Variants in POMK observed in about 807,000 individuals in gnomAD.
POMK encodes protein O-mannose kinase.
In POMK, 19 loss-of-function variants were observed where a neutral mutation model predicts 23.0. The observed-to-expected ratio is 0.83, with a 90% CI of 0.58 to 1.21. The LOEUF (loss-of-function observed/expected upper bound fraction) is 1.21, where lower values mean the gene tolerates loss of function less well. Among genes scored for constraint, POMK ranks in the 50% most tolerant of loss-of-function variants. POMK has a pLI of 0.00. For missense variants in POMK, 410 were observed against 431.3 expected (o/e 0.95, Z 0.44); for synonymous variants, 173 against 171.6 (o/e 1.01, Z -0.06).
chr8:43,097,503 C>G (rs975147871), intron 1 of POMK, 21 bp from the exon 2 acceptor site: 9 of 151,338 alleles, frequency 5.9e-5, no homozygotes, highest in Admixed American at 2.0e-4. Context: ...TTTTTTTTCT[C>G]TGTGTGTGAA....
intron 3 of POMK, among the ~76,000 whole-genome samples, 188 bp downstream of exon 3, chr8:43,102,788 G>C (rs774700848): frequency 6.6e-6 from 1 of 152,112 alleles, no homozygotes; most frequent in African/African-American, 2.4e-5. Flanking sequence ...AGGCTTCTCC[G>C]CAGCCAGGCC....
chr8:43,111,009 G>A (rs929231512), intron 4 of POMK, among the ~76,000 whole-genome samples: 3 of 152,106 alleles, frequency 2.0e-5, no homozygotes, highest in African/African-American at 4.8e-5. Flanking sequence ...CGCAGAAGAC[G>A]GGTGATTTCT....
At chr8:43,117,481 C>G (rs1288436498) in intron 4 of POMK, among the ~76,000 whole-genome samples, 2 of 151,948 alleles carry the variant, frequency 1.3e-5, no homozygotes, top group Non-Finnish European at 2.9e-5. Context: ...TCTTGGTATC[C>G]AAGGGGTGGT....
At chr8:43,113,460 A>G (rs905923987) in intron 4 of POMK, among the ~76,000 whole-genome samples, 4 of 152,276 alleles carry the variant, frequency 2.6e-5, no homozygotes, top group Non-Finnish European at 4.4e-5. Context: ...TTTCAGCTCC[A>G]TCAGCTCCTT....
At chr8:43,106,436 C>T (rs1321830997) in intron 4 of POMK, among the ~76,000 whole-genome samples, 1 of 150,468 alleles carries the variant, frequency 6.6e-6, no homozygotes, top group Non-Finnish European at 1.5e-5. Flanking sequence ...TGTAGTTTGT[C>T]TCTTAACTCT....
chr8:43,122,285 T>C lies in POMK; in HGVS notation c.461T>C (p.Leu154Pro), dbSNP rs1346805707. Residue 154 changes from leucine to proline, a missense_variant, in exon 5 of 5, where the codon CTA becomes CCA. By Grantham distance (98) the Leu-to-Pro change is moderately conservative. Coordinates refer to ENST00000331373, the MANE Select transcript of POMK (RefSeq NM_032237.5). Reference sequence around the variant, plus strand: ...ACTATGCTTACTGAATATCACCCTCTAGGTTCCTTGAGTAACCTGGAAGAA... The same window carrying C: ...ACTATGCTTACTGAATATCACCCTCCAGGTTCCTTGAGTAACCTGGAAGAA... The part of the protein sequence containing the change: ...DNTMLTEYHP[L>P]GSLSNLEETL... The C allele has an allele frequency of 6.2e-7, 1 of 1,613,910 alleles. No individual in the cohort carries two copies. The highest frequency in any genetic ancestry group is 1.3e-5 in the African/African-American group (1 of 74,944).
Position 43,122,980 on chromosome 8 carries a change from T to C in POMK, c.*103T>C, listed in dbSNP as rs988142898. ...TTGCCTGAGTTTCGTGTTTTATTGT[T>C]TTTTTTATGGCTTAGCCATGTGGTT... On this transcript the variant is annotated 3_prime_UTR_variant, in exon 5 of 5. Transcript: ENST00000331373. The C allele has an allele frequency of 9.7e-7, 1 of 1,035,018 alleles. No homozygotes were observed. Among genetic ancestry groups the C allele is most frequent in the Non-Finnish European group, 1.4e-6 (1 of 713,320 alleles). 64.1% of individuals were successfully genotyped at this position (1,035,018 alleles called of 1,614,324 possible). A position where few individuals can be genotyped will look rare whatever the true frequency, so the allele number is the denominator to read the frequency against.
intron 2 of POMK, among the ~76,000 whole-genome samples, chr8:43,100,123 A>AG (rs1196438187): frequency 6.6e-6 from 1 of 152,142 alleles, no homozygotes; most frequent in African/African-American, 2.4e-5. Context: ...TGGGGATGGA[A>AG]GTGCCATGAG....
At chr8:43,099,504 G>A (rs1408145314) in intron 2 of POMK, among the ~76,000 whole-genome samples, 1 of 152,252 alleles carries the variant, frequency 6.6e-6, no homozygotes, top group African/African-American at 2.4e-5. Flanking sequence ...ATGAGGAGCT[G>A]CCAGAATGTA....
chr8:43,104,553 G>A (rs1811509717), intron 4 of POMK, among the ~76,000 whole-genome samples: 1 of 152,030 alleles, frequency 6.6e-6, no homozygotes, highest in African/African-American at 2.4e-5. Context: ...AACCCCAAGA[G>A]GCAACATGAA....
At chr8:43,102,940 G>A (rs1434468850) in intron 3 of POMK, among the ~76,000 whole-genome samples, 1 of 152,212 alleles carries the variant, frequency 6.6e-6, no homozygotes, top group African/African-American at 2.4e-5. Flanking sequence ...GCTCCTGTCC[G>A]TGGTCATAAC....
Position 43,122,615 on chromosome 8 carries a change from A to G in POMK, c.791A>G (p.Glu264Gly). 1 of 1,614,192 alleles carries G rather than the reference A, an allele frequency of 6.2e-7. No homozygotes were observed. Among genetic ancestry groups the G allele is most frequent in the Non-Finnish European group, 8.5e-7 (1 of 1,180,026 alleles). ...VAPEQLWPYG[E>G]DVPFHDDLMP... ...CCAGAGCAACTGTGGCCCTATGGAG[A>G]GGACGTGCCTTTCCACGATGATCTC... The change falls in exon 5 of 5, where the codon GAG (glutamate) becomes GGG (glycine). Residue 264 changes from glutamate to glycine, a missense_variant. Physicochemically the swap from Glu to Gly is moderately conservative, Grantham distance 98. Transcript: ENST00000331373.
At chr8:43,113,770 A>G (rs942702355) in intron 4 of POMK, among the ~76,000 whole-genome samples, 15 of 151,990 alleles carry the variant, frequency 9.9e-5, no homozygotes, top group Non-Finnish European at 1.9e-4. Flanking sequence ...GATGATGGTG[A>G]TGTACAGATG....
Position 43,094,180 on chromosome 8 carries a change from G to A in POMK, c.-210+617G>A, listed in dbSNP as rs376457812. 3.6e-3 allele frequency among the ~76,000 whole-genome samples: 548 copies of A among 152,284 alleles called. 2 individuals are homozygous for A. The highest frequency in any genetic ancestry group is 0.013 in the African/African-American group (522 of 41,548). ...GCGGTCTTGGCTCCTGGGATTACAG[G>A]CGTCCGCCACCACGCCCGGCTAATT... On this transcript the variant is annotated intron_variant, in intron 1 of 4. Transcript: ENST00000331373.
At chr8:43,095,483 A>G (rs944106513) in intron 1 of POMK, among the ~76,000 whole-genome samples, 1 of 152,192 alleles carries the variant, frequency 6.6e-6, no homozygotes, top group African/African-American at 2.4e-5. Context: ...GAAATGCATT[A>G]AAGGTTTTCT....
At chr8:43,109,801 A>G (rs1586674378) in intron 4 of POMK, among the ~76,000 whole-genome samples, 1 of 152,094 alleles carries the variant, frequency 6.6e-6, no homozygotes, top group East Asian at 1.9e-4. Flanking sequence ...TCAGCCTCCC[A>G]AAGTGTTGGT....
rs2130628279 is a variant in POMK at position 43,123,097 on chromosome 8, C to G, written c.*220C>G. Reference sequence around the variant, plus strand: ...TTTGAGATGCGGTCTTGCTCTGTTGCTGAGGCTGGAGTGCAGTGATGTGAT... The same window carrying G: ...TTTGAGATGCGGTCTTGCTCTGTTGGTGAGGCTGGAGTGCAGTGATGTGAT... On this transcript the variant is annotated 3_prime_UTR_variant, in exon 5 of 5. Coordinates refer to ENST00000331373, the MANE Select transcript of POMK (RefSeq NM_032237.5). The G allele has an allele frequency of 2.0e-6, 1 of 502,228 alleles. No homozygotes were observed. The highest frequency in any genetic ancestry group is 2.4e-5 in the South Asian group (1 of 40,944). 31.1% of individuals were successfully genotyped at this position (502,228 alleles called of 1,614,324 possible).
At chr8:43,114,702 T>C (rs1037104785) in intron 4 of POMK, among the ~76,000 whole-genome samples, 1 of 152,258 alleles carries the variant, frequency 6.6e-6, no homozygotes, top group Admixed American at 6.5e-5. Context: ...GTCTTCTGCG[T>C]CGCTCACGCT....
intron 4 of POMK, among the ~76,000 whole-genome samples, chr8:43,111,798 C>T (rs1012513097): frequency 6.6e-6 from 1 of 152,186 alleles, no homozygotes; most frequent in African/African-American, 2.4e-5. Context: ...GCTGCTGATA[C>T]CCAGGCAAAC....
Sources: gnomAD v4.1 joint callset for allele counts (sites outside exome capture counted in the v4.1 genomes callset) on GRCh38, gnomAD v4.1.1 for gene constraint, MANE v1.5 for transcripts, NCBI Gene and HGNC (gene_info 2026-07-23, HGNC 2026-07-21) for gene names.